The following TMEM132D variants were observed in gnomAD, a reference collection of about 807,000 sequenced individuals.
TMEM132D encodes the protein transmembrane protein 132D.
Under a neutral mutation model 62.3 loss-of-function variants are expected in TMEM132D, and 21 were observed. The ratio of observed to expected loss-of-function variants is 0.34; its 90% CI spans 0.24 to 0.49. TMEM132D has a LOEUF of 0.49. Among genes scored for constraint, TMEM132D ranks in the 20% least tolerant of loss-of-function variants. The pLI is 0.99. For synonymous variants in TMEM132D, 621 were observed against 575.6 expected (o/e 1.08, Z -1.13); for missense variants, 1,346 against 1,402.8 (o/e 0.96, Z 0.65).
At chr12:129,696,674 A>G (rs140093425) in intron 2 of TMEM132D, among the ~76,000 whole-genome samples, 2 of 152,288 alleles carry the variant, frequency 1.3e-5, no homozygotes, top group Admixed American at 1.3e-4. Context: ...CTCCAGGCCC[A>G]TGGCAGGTAA....
intron 2 of TMEM132D, among the ~76,000 whole-genome samples, chr12:129,685,420 G>A (rs1035057323): frequency 6.6e-6 from 1 of 152,176 alleles, no homozygotes; most frequent in African/African-American, 2.4e-5. Context: ...CCCAAACCTT[G>A]GCAGATTCCA....
Position 129,652,500 on chromosome 12 carries a change from G to A in TMEM132D, c.968+47310C>T, listed in dbSNP as rs376181994. Among the ~76,000 whole-genome samples the A allele has an allele frequency of 4.3e-4, 65 of 152,236 alleles. 1 individual carries two copies. Among genetic ancestry groups the A allele is most frequent in the African/African-American group, 1.4e-3 (59 of 41,534 alleles). Reference sequence around the variant, plus strand: ...GAGATCATCTTGGATTTTCTGAGCGGGCCTAATGACAAGGGTGTTTTAAAT... The same window carrying A: ...GAGATCATCTTGGATTTTCTGAGCGAGCCTAATGACAAGGGTGTTTTAAAT... On this transcript the variant is annotated intron_variant, in intron 2 of 8. Coordinates refer to ENST00000422113, the MANE Select transcript of TMEM132D (RefSeq NM_133448.3).
At position 129,073,699 on chromosome 12, in the gene TMEM132D, G is replaced by A. The variant is rs916090596; in HGVS notation, c.*176C>T. On this transcript the variant is annotated 3_prime_UTR_variant, in exon 9 of 9. Coordinates refer to ENST00000422113, the MANE Select transcript of TMEM132D (RefSeq NM_133448.3). Reference sequence around the variant, plus strand: ...AGACACTGTACTCTGGAATGTGTGCGTCGATGCGGACTCCAGGCCTCGCCG... The same window carrying A: ...AGACACTGTACTCTGGAATGTGTGCATCGATGCGGACTCCAGGCCTCGCCG... 2.7e-5 allele frequency: 15 copies of A among 559,970 alleles called. No individual in the cohort carries two copies. The highest frequency in any genetic ancestry group is 4.0e-5 in the Non-Finnish European group (13 of 321,466). 34.7% of individuals were successfully genotyped at this position (559,970 alleles called of 1,614,324 possible). A position where few individuals can be genotyped will look rare whatever the true frequency, so the allele number is the denominator to read the frequency against.
At chr12:129,895,483 A>G (rs1875077465) in intron 1 of TMEM132D, among the ~76,000 whole-genome samples, 1 of 152,212 alleles carries the variant, frequency 6.6e-6, no homozygotes, top group Non-Finnish European at 1.5e-5. Flanking sequence ...CAGTCCACAC[A>G]GACTATGGTT....
chr12:129,697,131 A>T, intron 2 of TMEM132D, among the ~76,000 whole-genome samples: 1 of 152,214 alleles, frequency 6.6e-6, no homozygotes, highest in East Asian at 1.9e-4. Context: ...CTATCAACAA[A>T]GAACTCAAAC....
At chr12:129,467,231 G>C (rs1873938658) in intron 3 of TMEM132D, among the ~76,000 whole-genome samples, 1 of 152,126 alleles carries the variant, frequency 6.6e-6, no homozygotes, top group African/African-American at 2.4e-5. Context: ...GAAATTCAAA[G>C]GGTGGGTCTG....
chr12:129,495,496 A>G (rs1874923484), intron 3 of TMEM132D, among the ~76,000 whole-genome samples: 1 of 152,112 alleles, frequency 6.6e-6, no homozygotes, highest in Admixed American at 6.5e-5. Flanking sequence ...ATTCTAGCTG[A>G]TGGGGGTGTG....
At chr12:129,159,884 A>T (rs1229685407) in intron 5 of TMEM132D, among the ~76,000 whole-genome samples, 1 of 152,174 alleles carries the variant, frequency 6.6e-6, no homozygotes, top group African/African-American at 2.4e-5. Flanking sequence ...GGGGAGAGTT[A>T]GAATGGCTGT....
chr12:129,721,440 A>G (rs1343712440), intron 1 of TMEM132D, among the ~76,000 whole-genome samples: 1 of 152,126 alleles, frequency 6.6e-6, no homozygotes, highest in Non-Finnish European at 1.5e-5. Flanking sequence ...TACAAACAAG[A>G]ACCTAATTAT....
intron 1 of TMEM132D, among the ~76,000 whole-genome samples, chr12:129,882,236 A>C (rs1874618153): frequency 6.6e-6 from 1 of 152,012 alleles, no homozygotes; most frequent in Non-Finnish European, 1.5e-5. Context: ...TCTCTTCCAG[A>C]AAATAGAAGG....
intron 2 of TMEM132D, among the ~76,000 whole-genome samples, chr12:129,543,404 G>GATA (rs1876646391): frequency 1.4e-5 from 2 of 138,850 alleles, no homozygotes; most frequent in Non-Finnish European, 3.1e-5. Context: ...ATGGATGGAT[G>GATA]GATAGACAGA....
In TMEM132D at chr12:129,664,601, A is replaced by G. The variant is rs180903011; in HGVS notation, c.968+35209T>C. Among the ~76,000 whole-genome samples the G allele has an allele frequency of 2.6e-5, 4 of 151,580 alleles. No homozygotes were observed. In the East Asian group the frequency reaches 5.9e-4, roughly 22 times the overall value. On this transcript the variant is annotated intron_variant, in intron 2 of 8. Transcript: ENST00000422113. ...CACCACGCCCAGCTAATTTTTTTGT[A>G]TTTTTAGTAGAGACGGGGTTTCACC...
chr12:129,144,257 G>A (rs1876827846), intron 5 of TMEM132D, among the ~76,000 whole-genome samples: 1 of 152,174 alleles, frequency 6.6e-6, no homozygotes. Flanking sequence ...TCACTCTGTG[G>A]TAGAGGTAAG....
At chr12:129,498,775 T>C (rs1875040078) in intron 3 of TMEM132D, among the ~76,000 whole-genome samples, 1 of 152,114 alleles carries the variant, frequency 6.6e-6, no homozygotes, top group South Asian at 2.1e-4. Context: ...AGCAAGAGAA[T>C]TCTATATAAA....
chr12:129,685,799 C>A (rs549661702), intron 2 of TMEM132D, among the ~76,000 whole-genome samples: 1 of 152,258 alleles, frequency 6.6e-6, no homozygotes, highest in African/African-American at 2.4e-5. Context: ...ACGGACCTAC[C>A]CAAGGCCATA....
intron 2 of TMEM132D, among the ~76,000 whole-genome samples, chr12:129,672,603 G>C (rs1349987402): frequency 6.6e-6 from 1 of 152,346 alleles, no homozygotes; most frequent in East Asian, 1.9e-4. Flanking sequence ...ATGCACTGGT[G>C]CAAGGTAGGT....
intron 3 of TMEM132D, among the ~76,000 whole-genome samples, chr12:129,433,209 C>A (rs1254626889): frequency 6.6e-6 from 1 of 152,146 alleles, no homozygotes; most frequent in African/African-American, 2.4e-5. Flanking sequence ...AATAGTGATA[C>A]CAGGGACATT....
chr12:129,645,724 T>G (rs986052379), intron 2 of TMEM132D, among the ~76,000 whole-genome samples: 1 of 152,194 alleles, frequency 6.6e-6, no homozygotes, highest in Non-Finnish European at 1.5e-5. Flanking sequence ...TAAAAGAGGA[T>G]GCAATAGAGA....
chr12:129,314,303 G>A (rs1437021136), intron 4 of TMEM132D, among the ~76,000 whole-genome samples: 2 of 152,214 alleles, frequency 1.3e-5, no homozygotes, highest in Non-Finnish European at 2.9e-5. Flanking sequence ...TAAGGTGAGA[G>A]ATGAGGATCC....
Sources: allele counts gnomAD v4.1 joint callset (sites outside exome capture counted in the v4.1 genomes callset), GRCh38; gene constraint gnomAD v4.1.1; transcripts MANE v1.5; gene names NCBI Gene and HGNC (gene_info 2026-07-23, HGNC 2026-07-21).